The following FGF13 variants were observed in gnomAD, a reference collection of about 807,000 sequenced individuals.
FGF13 encodes the protein fibroblast growth factor 13, also known as fibroblast growth factor homologous factor 2.
FGF13 carries 2 observed loss-of-function variants against 19.5 expected under a neutral mutation model. The observed-to-expected ratio is 0.10, with a 90% CI of 0.04 to 0.32. The LOEUF (loss-of-function observed/expected upper bound fraction) is 0.32, where lower values mean the gene tolerates loss of function less well. Among genes scored for constraint, FGF13 ranks in the 10% least tolerant of loss-of-function variants. The pLI is 1.00. For synonymous variants in FGF13, 72 were observed against 76.9 expected (o/e 0.94, Z 0.33); for missense variants, 113 against 192.7 (o/e 0.59, Z 2.45).
At chrX:139,068,777 A>G (rs1330232439) in intron 1 of FGF13, among the ~76,000 whole-genome samples, 1 of 109,549 alleles carries the variant, frequency 9.1e-6, no homozygotes, top group African/African-American at 3.3e-5. Flanking sequence ...TCATGATTTG[A>G]CTCTCTGTTT....
At chrX:138,885,938 T>C (rs1451336643) in intron 1 of FGF13, among the ~76,000 whole-genome samples, 1 of 110,094 alleles carries the variant, frequency 9.1e-6, no homozygotes. Flanking sequence ...TTCCCTGTAC[T>C]TCATCTACAC....
At chrX:138,937,255 C>A (rs897162819) in intron 1 of FGF13, among the ~76,000 whole-genome samples, 1 of 111,308 alleles carries the variant, frequency 9.0e-6, no homozygotes, top group Non-Finnish European at 1.9e-5. Flanking sequence ...GAGAGTGTTC[C>A]TTTGTGTATA....
intron 1 of FGF13, among the ~76,000 whole-genome samples, chrX:139,044,087 C>T (rs778959369): frequency 8.9e-6 from 1 of 111,899 alleles, no homozygotes; most frequent in Admixed American, 9.4e-5. Flanking sequence ...ACACAAAATG[C>T]CACTTAATTG....
At chrX:139,189,596 C>T (rs1161605557) in intron 1 of FGF13, among the ~76,000 whole-genome samples, 1 of 111,788 alleles carries the variant, frequency 8.9e-6, no homozygotes, top group African/African-American at 3.3e-5. Flanking sequence ...TGACAAATAA[C>T]TATAGTTCCA....
At chrX:139,135,855 C>T (rs192126367) in intron 1 of FGF13, among the ~76,000 whole-genome samples, 1 of 111,580 alleles carries the variant, frequency 9.0e-6, no homozygotes, top group East Asian at 2.8e-4. Flanking sequence ...GGGGTTCTGT[C>T]TCTGTACGTC....
At chrX:139,182,582 C>A (rs772325827) in intron 1 of FGF13, among the ~76,000 whole-genome samples, 49 of 112,080 alleles carry the variant, frequency 4.4e-4, no homozygotes, top group Non-Finnish European at 8.3e-4. Context: ...ACTTTCACAA[C>A]ACATTATCTT....
intron 1 of FGF13, among the ~76,000 whole-genome samples, chrX:138,870,196 C>T: frequency 8.9e-6 from 1 of 111,952 alleles, no homozygotes; most frequent in Non-Finnish European, 1.9e-5. Context: ...AGGCAATGTC[C>T]TCCACATTGA....
At chrX:139,164,502 G>A (rs1200078405) in intron 1 of FGF13, among the ~76,000 whole-genome samples, 2 of 109,168 alleles carry the variant, frequency 1.8e-5, no homozygotes, top group African/African-American at 3.4e-5. Context: ...GAGCAGCTTG[G>A]GCAACATAGC....
intron 1 of FGF13, among the ~76,000 whole-genome samples, chrX:138,999,136 A>G (rs1244972711): frequency 1.8e-5 from 2 of 112,178 alleles, no homozygotes; most frequent in Non-Finnish European, 1.9e-5. Context: ...TTTGAAACCA[A>G]TGAGAACAAA....
chrX:138,995,079 G>A (rs896115333), intron 1 of FGF13, among the ~76,000 whole-genome samples: 6 of 109,402 alleles, frequency 5.5e-5, no homozygotes, highest in African/African-American at 1.0e-4. Context: ...AAGAGGGCAG[G>A]AAAGACAGTC....
chrX:138,815,386 C>T (rs993780940), intron 3 of FGF13, among the ~76,000 whole-genome samples: 1 of 110,886 alleles, frequency 9.0e-6, no homozygotes, highest in African/African-American at 3.3e-5. Flanking sequence ...ATTAGCTTGA[C>T]GTAATCATTT....
At chrX:139,011,668 C>T (rs1182639681) in intron 1 of FGF13, among the ~76,000 whole-genome samples, 2 of 111,523 alleles carry the variant, frequency 1.8e-5, no homozygotes, top group Non-Finnish European at 3.8e-5. Flanking sequence ...TCAGCAAAAT[C>T]GGCATAGAAG....
intron 3 of FGF13, among the ~76,000 whole-genome samples, chrX:138,751,766 C>A (rs921259361): frequency 9.0e-6 from 1 of 111,541 alleles, no homozygotes; most frequent in Non-Finnish European, 1.9e-5. Flanking sequence ...AAAGTAATGA[C>A]GTGATGAGGG....
intron 1 of FGF13, among the ~76,000 whole-genome samples, chrX:139,174,742 T>C (rs2084165450): frequency 8.9e-6 from 1 of 111,952 alleles, no homozygotes. Context: ...TCTGTTCTGT[T>C]CCATTGGTCT....
In FGF13 at chrX:138,809,249, G is replaced by A. The variant is rs192245552; in HGVS notation, c.217+48263C>T. On this transcript the variant is annotated intron_variant, in intron 3 of 6. Transcript: ENST00000436198. ...GTATATCAAAAAGCTTATCCATCACGATCAAGTTGGCTTCATCCCTGGGAT... is the reference window on the plus strand; with the variant it reads ...GTATATCAAAAAGCTTATCCATCACAATCAAGTTGGCTTCATCCCTGGGAT... Among the ~76,000 whole-genome samples, 7 of 111,769 alleles carry A rather than the reference G, an allele frequency of 6.3e-5. No homozygotes were observed. In the East Asian group the frequency reaches 2.0e-3, roughly 32 times the overall value.
intron 1 of FGF13, among the ~76,000 whole-genome samples, chrX:138,980,273 T>C (rs1468938419): frequency 9.0e-6 from 1 of 111,458 alleles, no homozygotes; most frequent in East Asian, 2.8e-4. Flanking sequence ...TTTTTACCCA[T>C]TCCTTTTAAT....
chrX:139,068,394 T>C (rs1212558930), intron 1 of FGF13, among the ~76,000 whole-genome samples: 1 of 100,468 alleles, frequency 1.0e-5, no homozygotes, highest in African/African-American at 4.0e-5. Flanking sequence ...TGTAGCCTTG[T>C]AGTATAGTTT....
intron 1 of FGF13, among the ~76,000 whole-genome samples, chrX:138,976,134 C>A (rs1010382363): frequency 1.8e-5 from 2 of 111,570 alleles, no homozygotes; most frequent in Non-Finnish European, 3.8e-5. Flanking sequence ...ATGCTCCTGG[C>A]CCCTTGTGAC....
At chrX:138,882,161 G>T (rs918787466) in intron 1 of FGF13, among the ~76,000 whole-genome samples, 14 of 110,439 alleles carry the variant, frequency 1.3e-4, no homozygotes, top group African/African-American at 3.9e-4. Context: ...TTTGGCTATT[G>T]GTTGTTCAAA....
Sources: allele counts gnomAD v4.1 joint callset (sites outside exome capture counted in the v4.1 genomes callset), GRCh38; gene constraint gnomAD v4.1.1; transcripts MANE v1.5; gene names NCBI Gene and HGNC (gene_info 2026-07-23, HGNC 2026-07-21).